CAMTA1: variants seen among roughly 807,000 people sequenced by gnomAD.
CAMTA1 encodes the protein calmodulin-binding transcription activator 1.
In CAMTA1, 27 loss-of-function variants were observed where a neutral mutation model predicts 170.9. The ratio of observed to expected loss-of-function variants is 0.16; its 90% CI spans 0.12 to 0.22. The LOEUF is 0.22. Among genes scored for constraint, CAMTA1 ranks in the 10% least tolerant of loss-of-function variants. The pLI is 1.00. For synonymous variants in CAMTA1, 833 were observed against 891.5 expected, an observed-to-expected ratio of 0.93 and a Z score of 1.17; for missense variants, 1,619 against 2,217.2, an observed-to-expected ratio of 0.73 and a Z score of 5.42.
At chr1:6,904,641 C>T (rs1476374412) in intron 3 of CAMTA1, among the ~76,000 whole-genome samples, 4 of 150,470 alleles carry the variant, frequency 2.7e-5, no homozygotes, top group African/African-American at 4.9e-5. Flanking sequence ...TCACAGCAGC[C>T]GCAGCAGCCT....
intron 3 of CAMTA1, among the ~76,000 whole-genome samples, chr1:7,057,257 C>G (rs1031224920): frequency 6.6e-6 from 1 of 152,200 alleles, no homozygotes; most frequent in Non-Finnish European, 1.5e-5. Flanking sequence ...GACACATGTG[C>G]GCGGCGAGCT....
intron 9 of CAMTA1, among the ~76,000 whole-genome samples, chr1:7,667,891 T>C (rs528826840): frequency 9.2e-5 from 14 of 152,336 alleles, no homozygotes; most frequent in Admixed American, 9.1e-4. Context: ...CTAGGCCCTT[T>C]GGGGCCCCAC....
intron 5 of CAMTA1, among the ~76,000 whole-genome samples, chr1:7,442,348 G>A (rs1356199782): frequency 6.6e-6 from 1 of 152,178 alleles, no homozygotes; most frequent in Non-Finnish European, 1.5e-5. Flanking sequence ...CTTCCTGGGG[G>A]CTTTCGCTGT....
At chr1:7,656,246 T>C (rs972807416) in intron 7 of CAMTA1, among the ~76,000 whole-genome samples, 1 of 152,226 alleles carries the variant, frequency 6.6e-6, no homozygotes, top group African/African-American at 2.4e-5. Flanking sequence ...CAACAGAAAT[T>C]GATCGTCTCA....
At chr1:7,323,876 G>T (rs1678872770) in intron 5 of CAMTA1, among the ~76,000 whole-genome samples, 1 of 152,126 alleles carries the variant, frequency 6.6e-6, no homozygotes, top group Admixed American at 6.5e-5. Flanking sequence ...ATTGCCCTGT[G>T]GTCGTGCTTT....
chr1:7,314,391 C>T (rs1375734827), intron 5 of CAMTA1, among the ~76,000 whole-genome samples: 1 of 152,160 alleles, frequency 6.6e-6, no homozygotes, highest in East Asian at 1.9e-4. Context: ...CAATGGGAGC[C>T]CCAGGGTTTG....
intron 5 of CAMTA1, among the ~76,000 whole-genome samples, chr1:7,259,440 AG>A (rs1667861800): frequency 6.6e-6 from 1 of 152,086 alleles, no homozygotes; most frequent in Non-Finnish European, 1.5e-5. Context: ...GCAGAATTTC[AG>A]GCCCCAACCC....
At chr1:7,542,948 T>G (rs575143470) in intron 6 of CAMTA1, among the ~76,000 whole-genome samples, 1 of 151,088 alleles carries the variant, frequency 6.6e-6, no homozygotes, top group East Asian at 2.0e-4. Flanking sequence ...CACTGCAAGC[T>G]CCACTTCCCG....
intron 6 of CAMTA1, among the ~76,000 whole-genome samples, chr1:7,526,206 C>G (rs1557865285): frequency 1.3e-5 from 2 of 152,006 alleles, no homozygotes; most frequent in Admixed American, 6.5e-5. Context: ...GAAGAGGTTT[C>G]CAGGGGTGAG....
rs1353998129 is a variant in CAMTA1, at chr1:7,634,341, T to C, written c.511-6059T>C. ...GGAGGGAAAATGAGAGGATGACTCC[T>C]GGGTTCCAGACCTGGGCAGCTGTGG... On this transcript the variant is annotated intron_variant, in intron 6 of 22. Transcript: ENST00000303635. The surrounding 1 kb of genome is among the most constrained non-coding windows in gnomAD (Gnocchi z 6.2). 6.6e-6 allele frequency among the ~76,000 whole-genome samples: 1 copy of C among 151,888 alleles called. No individual in the cohort carries two copies. Among genetic ancestry groups the C allele is most frequent in the Non-Finnish European group, 1.5e-5 (1 of 67,980 alleles).
chr1:7,083,807 A>G (rs902904363), intron 3 of CAMTA1, among the ~76,000 whole-genome samples: 1 of 152,204 alleles, frequency 6.6e-6, no homozygotes, highest in African/African-American at 2.4e-5. Flanking sequence ...TAACACAGAG[A>G]TCTGGCACCA....
intron 5 of CAMTA1, among the ~76,000 whole-genome samples, chr1:7,263,196 C>T (rs1439479274): frequency 6.6e-6 from 1 of 151,906 alleles, no homozygotes; most frequent in Non-Finnish European, 1.5e-5. Context: ...TTTTTTTAAG[C>T]CCTCCAGATG....
At chr1:7,492,901 ACACG>A (rs2093742603) in intron 6 of CAMTA1, among the ~76,000 whole-genome samples, 1 of 151,342 alleles carries the variant, frequency 6.6e-6, no homozygotes, top group South Asian at 2.1e-4. Context: ...ACCTACATAC[ACACG>A]TGCACACACA....
At chr1:7,378,390 G>A (rs2087009091) in intron 5 of CAMTA1, among the ~76,000 whole-genome samples, 1 of 152,196 alleles carries the variant, frequency 6.6e-6, no homozygotes. Flanking sequence ...TAAACAAAAT[G>A]TGCTCTATCC....
At chr1:7,153,700 G>A (rs891049321) in intron 4 of CAMTA1, among the ~76,000 whole-genome samples, 1 of 152,154 alleles carries the variant, frequency 6.6e-6, no homozygotes, top group East Asian at 1.9e-4. Context: ...CTGGTGGGCG[G>A]GGACATTGCA....
chr1:7,485,172 G>A (rs1366627515), intron 6 of CAMTA1, among the ~76,000 whole-genome samples: 1 of 152,150 alleles, frequency 6.6e-6, no homozygotes, highest in East Asian at 1.9e-4. Context: ...CCTGGCCAAT[G>A]GCCTCCCTGT....
intron 5 of CAMTA1, among the ~76,000 whole-genome samples, chr1:7,361,758 T>C (rs908902717): frequency 2.0e-5 from 3 of 152,228 alleles, no homozygotes; most frequent in Non-Finnish European, 4.4e-5. Context: ...GGGTGAAAAC[T>C]GCCTTGGTGG....
At chr1:7,019,746 T>C (rs1366827941) in intron 3 of CAMTA1, among the ~76,000 whole-genome samples, 1 of 152,240 alleles carries the variant, frequency 6.6e-6, no homozygotes, top group African/African-American at 2.4e-5. Context: ...CCTTTTGACC[T>C]TTGCCTTTGA....
At chr1:6,831,149 T>G (rs945294060) in intron 3 of CAMTA1, among the ~76,000 whole-genome samples, 2 of 152,170 alleles carry the variant, frequency 1.3e-5, no homozygotes, top group African/African-American at 4.8e-5. Flanking sequence ...ACTATTAGTA[T>G]GTGGACTATG....
Sources: gnomAD v4.1 joint callset for allele counts (sites outside exome capture counted in the v4.1 genomes callset) on GRCh38, gnomAD v4.1.1 for gene constraint, Gnocchi (gnomAD v3.1) non-coding constraint, MANE v1.5 for transcripts, NCBI Gene and HGNC (gene_info 2026-07-23, HGNC 2026-07-21) for gene names.